The following BCL11B variants were observed in gnomAD, a reference collection of about 807,000 sequenced individuals.
BCL11B encodes the protein BCL11 transcription factor B.
In BCL11B, 8 loss-of-function variants were observed where a neutral mutation model predicts 49.9. The ratio of observed to expected loss-of-function variants is 0.16; its 90% CI spans 0.09 to 0.29. The LOEUF (loss-of-function observed/expected upper bound fraction) is 0.29. Ranked by LOEUF, BCL11B falls within the 10% of genes least tolerant of loss-of-function variation. The pLI is 1.00. For missense variants in BCL11B, 1,006 were observed against 1,351.0 expected, an observed-to-expected ratio of 0.74 and a Z score of 4.00; for synonymous variants, 739 against 637.4, an observed-to-expected ratio of 1.16 and a Z score of -2.40.
intron 3 of BCL11B, among the ~76,000 whole-genome samples, chr14:99,229,113 GGGATGAATGGATGGAT>G (rs1221912605): frequency 2.1e-4 from 20 of 94,788 alleles, no homozygotes; most frequent in African/African-American, 8.7e-4. Context: ...GATGGATACA[GGGATGAATGGATGGAT>G]GGATGGATGG....
At chr14:99,246,496 G>T (rs1405408589) in intron 2 of BCL11B, among the ~76,000 whole-genome samples, 1 of 152,208 alleles carries the variant, frequency 6.6e-6, no homozygotes, top group East Asian at 1.9e-4. Context: ...GGAGCCTCCC[G>T]ACCCGGCCAG....
intron 1 of BCL11B, among the ~76,000 whole-genome samples, chr14:99,263,470 C>T (rs2457443): frequency 2.6e-5 from 4 of 152,278 alleles, no homozygotes; most frequent in African/African-American, 9.6e-5. Flanking sequence ...GGCCTGCAGG[C>T]CAGGAGGTGG....
intron 3 of BCL11B, among the ~76,000 whole-genome samples, chr14:99,229,969 G>A (rs1195740410): frequency 3.3e-5 from 5 of 152,200 alleles, no homozygotes; most frequent in South Asian, 4.1e-4. Flanking sequence ...GGGAGCCGGC[G>A]TCTTTGCAAG....
chr14:99,261,485 C>T (rs1357856873), intron 1 of BCL11B, among the ~76,000 whole-genome samples: 2 of 152,134 alleles, frequency 1.3e-5, no homozygotes, highest in Non-Finnish European at 2.9e-5. Context: ...TTCTAACAGG[C>T]AGAGTGGTCC....
At chr14:99,214,589 CCATGGCACACGTTTACCTATG>C (rs1404940322) in intron 3 of BCL11B, among the ~76,000 whole-genome samples, 1 of 151,214 alleles carries the variant, frequency 6.6e-6, no homozygotes, top group Non-Finnish European at 1.5e-5. Flanking sequence ...CAGCAAACCA[CCATGGCACACGTTTACCTATG>C]TAACAAACCT....
At chr14:99,181,165 T>C (rs1886689041) in intron 3 of BCL11B, among the ~76,000 whole-genome samples, 1 of 152,218 alleles carries the variant, frequency 6.6e-6, no homozygotes, top group Admixed American at 6.5e-5. Context: ...AGTGGCCCAC[T>C]GCTGTTCGAG....
chr14:99,198,227 C>T lies in BCL11B; in HGVS notation c.641-22032G>A, dbSNP rs117574688. ...AAGGAAACTTTTCTTCTTGTGGAAACCTTTACAGGTACAAACAAGGATATG... is the reference window on the plus strand; with the variant it reads ...AAGGAAACTTTTCTTCTTGTGGAAATCTTTACAGGTACAAACAAGGATATG... On this transcript the variant is annotated intron_variant, in intron 3 of 3. Coordinates refer to ENST00000357195, the MANE Select transcript of BCL11B (RefSeq NM_138576.4). 5.1e-3 allele frequency among the ~76,000 whole-genome samples: 773 copies of T among 152,314 alleles called. 25 individuals carry two copies. In the East Asian group the frequency reaches 0.089, roughly 17 times the overall value.
intron 3 of BCL11B, among the ~76,000 whole-genome samples, chr14:99,190,251 G>A (rs1886982410): frequency 6.6e-6 from 1 of 152,230 alleles, no homozygotes; most frequent in Non-Finnish European, 1.5e-5. Context: ...CACTTTGGGA[G>A]GCCAAAGCGG....
chr14:99,234,209 T>G (rs1297882461), intron 2 of BCL11B, among the ~76,000 whole-genome samples: 1 of 151,862 alleles, frequency 6.6e-6, no homozygotes, highest in Non-Finnish European at 1.5e-5. Context: ...CGGGGGGTGA[T>G]GAAAATGCTC....
In BCL11B at chr14:99,206,007, T is replaced by C. The variant is rs942460018; in HGVS notation, c.640+25338A>G. On this transcript the variant is annotated intron_variant, in intron 3 of 3. Coordinates refer to ENST00000357195, the MANE Select transcript of BCL11B (RefSeq NM_138576.4). ...TACCCTCAACAGAGGACCGAGGCTTTGGGGAAGGAACACCTGAGCCAGCAA... is the reference window on the plus strand; with the variant it reads ...TACCCTCAACAGAGGACCGAGGCTTCGGGGAAGGAACACCTGAGCCAGCAA... Among the ~76,000 whole-genome samples the C allele has an allele frequency of 2.0e-5, 3 of 152,062 alleles. No homozygotes were observed. The East Asian group carries it at 5.8e-4, about 29-fold the overall frequency.
At chr14:99,196,664 G>A (rs974428852) in intron 3 of BCL11B, among the ~76,000 whole-genome samples, 6 of 152,152 alleles carry the variant, frequency 3.9e-5, no homozygotes, top group Admixed American at 6.6e-5. Flanking sequence ...CAGTTCCACC[G>A]GTCAGCTGCA....
intron 3 of BCL11B, among the ~76,000 whole-genome samples, chr14:99,178,618 G>A (rs1886609152): frequency 6.6e-6 from 1 of 152,230 alleles, no homozygotes; most frequent in South Asian, 2.1e-4. Context: ...AGCCTCATAG[G>A]AGAGCTGGCC....
intron 1 of BCL11B, chr14:99,264,071 T>C (rs888468601): frequency 1.3e-5 from 2 of 152,264 alleles, no homozygotes; most frequent in Non-Finnish European, 2.9e-5. Flanking sequence ...AACGATGTGA[T>C]AAAAAAGCAC....
At chr14:99,233,883 GA>G (rs1888410952) in intron 2 of BCL11B, among the ~76,000 whole-genome samples, 1 of 152,182 alleles carries the variant, frequency 6.6e-6, no homozygotes, top group South Asian at 2.1e-4. Context: ...TGAGGCAGGG[GA>G]GGGGGGCAGC....
At chr14:99,189,276 A>G (rs1378523019) in intron 3 of BCL11B, among the ~76,000 whole-genome samples, 1 of 152,206 alleles carries the variant, frequency 6.6e-6, no homozygotes, top group East Asian at 1.9e-4. Flanking sequence ...TCATCTCGCC[A>G]GGCACAGCCT....
intron 2 of BCL11B, among the ~76,000 whole-genome samples, chr14:99,244,008 C>T (rs1888748857): frequency 6.6e-6 from 1 of 151,570 alleles, no homozygotes; most frequent in African/African-American, 2.4e-5. Flanking sequence ...CACTGCAGGG[C>T]AGCCTACCCT....
chr14:99,236,651 C>A (rs960360602), intron 2 of BCL11B, among the ~76,000 whole-genome samples: 1 of 152,018 alleles, frequency 6.6e-6, no homozygotes, highest in African/African-American at 2.4e-5. Flanking sequence ...AGGCTCAGGC[C>A]CTGGTCTAAA....
At position 99,175,756 on chromosome 14, in the gene BCL11B, G is replaced by A. The variant is rs939166143; in HGVS notation, c.1080C>T (p.Ala360=). Residue 360 remains alanine, a synonymous_variant, in exon 4 of 4, where the codon GCC becomes GCT. Coordinates refer to ENST00000357195, the MANE Select transcript of BCL11B (RefSeq NM_138576.4). ...CGCGGAGCCGCCGCGAGAAGTCCAT[G>A]GCGGGCGAGTCGATGGCCATGGGGT... is the stretch of plus-strand genomic sequence containing the variant. The part of the protein sequence containing the change: ...RLNPMAIDSP[A]MDFSRRLREL... The A allele has an allele frequency of 1.4e-6, 2 of 1,467,676 alleles. No individual in the cohort carries two copies. The allele number at this position is 1,467,676 out of a possible 1,614,324, so 90.9% of individuals were successfully genotyped here.
intron 2 of BCL11B, among the ~76,000 whole-genome samples, chr14:99,245,607 G>A (rs909051085): frequency 6.6e-6 from 1 of 152,236 alleles, no homozygotes; most frequent in Non-Finnish European, 1.5e-5. Flanking sequence ...GGCAATGGCG[G>A]CGGGCGGAAG....
Sources: gnomAD v4.1 joint callset for allele counts (sites outside exome capture counted in the v4.1 genomes callset) on GRCh38, gnomAD v4.1.1 for gene constraint, MANE v1.5 for transcripts, NCBI Gene and HGNC (gene_info 2026-07-23, HGNC 2026-07-21) for gene names.